The following CWC22 variants were observed in gnomAD, a reference collection of about 807,000 sequenced individuals.
CWC22 encodes the protein pre-mRNA-splicing factor CWC22 homolog.
In CWC22, 53 loss-of-function variants were observed where a neutral mutation model predicts 117.2. The ratio of observed to expected loss-of-function variants is 0.45; its 90% CI spans 0.36 to 0.57. CWC22 has a LOEUF of 0.57. Among genes scored for constraint, CWC22 ranks in the 20% least tolerant of loss-of-function variants. CWC22 has a pLI of 0.00. For missense variants in CWC22, 980 were observed against 1,068.8 expected (o/e 0.92, Z 1.16); for synonymous variants, 360 against 355.6 (o/e 1.01, Z -0.14).
intron 14 of CWC22, 62 bp from the exon 15 acceptor site, chr2:179,955,096 T>G: frequency 8.2e-7 from 1 of 1,219,194 alleles, no homozygotes; most frequent in Non-Finnish European, 1.2e-6. Context: ...ATTGTATAAT[T>G]TACCAGTATG....
rs762548434 is a variant in CWC22, at chr2:179,986,717, A to T, written c.184T>A (p.Tyr62Asn). Residue 62 changes from tyrosine (Y) to asparagine (N), a missense_variant, in exon 4 of 20, where the codon TAT becomes AAT. This residue lies in a region of CWC22 where 559 missense variants were observed against 602.3 expected (regional missense o/e 0.93). Coordinates refer to ENST00000410053, the MANE Select transcript of CWC22 (RefSeq NM_020943.3). ...AACCGTGACTCCATGCTACTATCAT[A>T]AGAACGTCCTCTTCTTGAATGCTCA... ...DYEHSRRGRS[Y>N]DSSMESRNRD... is the part of the protein sequence containing the mutation. 2.5e-6 allele frequency: 4 copies of T among 1,599,242 alleles called. No individual in the cohort carries two copies. The highest frequency in any genetic ancestry group is 3.4e-6 in the Non-Finnish European group (4 of 1,168,426).
At chr2:179,969,107 T>C (rs1379539691) in intron 11 of CWC22, among the ~76,000 whole-genome samples, 1 of 152,172 alleles carries the variant, frequency 6.6e-6, no homozygotes, top group Admixed American at 6.5e-5. Flanking sequence ...AAGTACTACT[T>C]TCCAGGCATT....
Position 179,950,649 on chromosome 2 carries a change from G to T in CWC22, c.2003C>A (p.Pro668Gln), listed in dbSNP as rs1559283965. ...KPDVEQNKSSPSSSSSASSSS... is the reference protein window; with the variant it reads ...KPDVEQNKSSQSSSSSASSSS... ...GGAGGACGCTGAAGAGGAAGAGGAT[G>T]GGGAGGATTTATTTTGCTCAACATC... is the stretch of plus-strand genomic sequence containing the variant. The change falls in exon 19 of 20, where the codon CCA becomes CAA. Residue 668 changes from proline (P) to glutamine (Q), a missense_variant. Around this residue, in one of 3 missense-constraint regions of CWC22, gnomAD observed 306 missense variants for 296.8 expected, o/e 1.03. Coordinates refer to ENST00000410053, the MANE Select transcript of CWC22 (RefSeq NM_020943.3). 8 of 1,613,522 alleles carry T rather than the reference G, an allele frequency of 5.0e-6. No homozygotes were observed. In the East Asian group the frequency reaches 1.8e-4, roughly 36 times the overall value.
chr2:180,002,919 G>C (rs77778791), intron 1 of CWC22, among the ~76,000 whole-genome samples: 3,906 of 152,288 alleles, frequency 0.026, 167 homozygotes, highest in African/African-American at 0.087. Flanking sequence ...CTCTGTATGA[G>C]TACACTGGAT....
At position 180,005,038 on chromosome 2, in the gene CWC22, AAGAC is replaced by A. The variant is rs1183113195; in HGVS notation, c.-114+1825_-114+1828del. Among the ~76,000 whole-genome samples, 47 of 152,148 alleles carry A rather than the reference AAGAC, an allele frequency of 3.1e-4. 1 individual carries two copies. The highest frequency in any genetic ancestry group is 1.9e-3 in the Admixed American group (29 of 15,290). Reference sequence around the variant, plus strand: ...AATGCTTTCGGAAAAAAAAAAAAAAAAGACAGACAGACTGTTGGGCCTCCATTTC... The same window carrying A: ...AATGCTTTCGGAAAAAAAAAAAAAAAAGACAGACTGTTGGGCCTCCATTTC... On this transcript the variant is annotated intron_variant, in intron 1 of 19. Transcript: ENST00000410053.
At chr2:179,950,766 CAA>C in intron 18 of CWC22, 34 bp from the exon 19 acceptor site, 1 of 1,600,340 alleles carries the variant, frequency 6.2e-7, no homozygotes, top group Non-Finnish European at 8.6e-7. Flanking sequence ...GATTCTATTT[CAA>C]AGACAATTAT....
intron 13 of CWC22, among the ~76,000 whole-genome samples, chr2:179,963,055 C>T (rs1250460744): frequency 6.6e-6 from 1 of 152,074 alleles, no homozygotes; most frequent in Non-Finnish European, 1.5e-5. Context: ...GTAGTAGTGG[C>T]TATTACTTGT....
intron 15 of CWC22, 142 bp downstream of exon 15, chr2:179,954,815 G>A (rs1450410941): frequency 5.1e-6 from 3 of 589,784 alleles, no homozygotes; most frequent in African/African-American, 3.7e-5. Context: ...GGTGAAGAGA[G>A]TGGGAAACCT....
At chr2:180,001,184 C>T (rs1056278894) in intron 1 of CWC22, among the ~76,000 whole-genome samples, 5 of 152,076 alleles carry the variant, frequency 3.3e-5, no homozygotes, top group Non-Finnish European at 5.9e-5. Context: ...ACATGTTGAA[C>T]TTTTTAATGA....
At chr2:179,948,636 C>T (rs757229979) in intron 19 of CWC22, among the ~76,000 whole-genome samples, 3 of 152,070 alleles carry the variant, frequency 2.0e-5, no homozygotes, top group Non-Finnish European at 4.4e-5. Context: ...TGTACTCTTG[C>T]CAAAAATGTC....
chr2:179,973,852 T>C, intron 6 of CWC22, 50 bp from the exon 7 acceptor site: 1 of 1,115,408 alleles, frequency 9.0e-7, no homozygotes, highest in Non-Finnish European at 1.2e-6. Context: ...ACCAAATTAA[T>C]TAAACGAAAC....
intron 1 of CWC22, among the ~76,000 whole-genome samples, chr2:180,005,568 T>TCCG (rs1340271811): frequency 6.6e-6 from 1 of 151,862 alleles, no homozygotes; most frequent in Non-Finnish European, 1.5e-5. Context: ...AGAGTAAGAC[T>TCCG]CCGTCTCAAA....
intron 8 of CWC22, among the ~76,000 whole-genome samples, chr2:179,972,006 A>G (rs763607311): frequency 2.6e-5 from 4 of 152,236 alleles, no homozygotes; most frequent in Non-Finnish European, 5.9e-5. Context: ...TTTCATGGCA[A>G]TGCCAAAAAT....
intron 8 of CWC22, 72 bp downstream of exon 8, chr2:179,973,121 A>G (rs1247392039): frequency 2.4e-6 from 2 of 832,780 alleles, no homozygotes; most frequent in Non-Finnish European, 3.9e-6. Flanking sequence ...ATAGAGAGGT[A>G]TCAGTGAAGT....
At chr2:179,978,127 T>G in intron 6 of CWC22, 63 bp downstream of exon 6, 1 of 1,371,912 alleles carries the variant, frequency 7.3e-7, no homozygotes, top group Non-Finnish European at 9.5e-7. Context: ...ATTGTTCATG[T>G]AGATATTATA....
At chr2:179,985,064 T>C (rs961010336) in intron 4 of CWC22, among the ~76,000 whole-genome samples, 2 of 152,078 alleles carry the variant, frequency 1.3e-5, no homozygotes, top group Non-Finnish European at 2.9e-5. Context: ...CCTCATCTTA[T>C]AGATAAGGAA....
At chr2:179,945,787 A>G in intron 19 of CWC22, 72 bp from the exon 20 acceptor site, 1 of 955,710 alleles carries the variant, frequency 1.0e-6, no homozygotes. Context: ...AATCACATTT[A>G]CTGATACAGT....
chr2:179,953,911 G>A (rs1403230940), intron 16 of CWC22, among the ~76,000 whole-genome samples: 1 of 152,078 alleles, frequency 6.6e-6, no homozygotes, highest in East Asian at 1.9e-4. Flanking sequence ...GCACGTGTGT[G>A]TACACAGAGA....
intron 15 of CWC22, 146 bp from the exon 16 acceptor site, chr2:179,954,503 TG>T: frequency 1.8e-6 from 1 of 562,666 alleles, no homozygotes; most frequent in Non-Finnish European, 3.0e-6. Context: ...TTGTGCCATA[TG>T]ATGCTCAAAA....
Sources: gnomAD v4.1 joint callset for allele counts (sites outside exome capture counted in the v4.1 genomes callset) on GRCh38, gnomAD v4.1.1 for gene constraint, gnomAD v4.1.1 regional missense constraint, MANE v1.5 for transcripts, NCBI Gene and HGNC (gene_info 2026-07-23, HGNC 2026-07-21) for gene names.